The following PLA2G4F variants were observed in gnomAD, a reference collection of about 807,000 sequenced individuals.
PLA2G4F encodes phospholipase A2 group IVF.
PLA2G4F carries 105 observed loss-of-function variants against 103.1 expected under a neutral mutation model. The ratio of observed to expected loss-of-function variants is 1.02; its 90% CI spans 0.87 to 1.20. PLA2G4F has a LOEUF of 1.20. Among genes scored for constraint, PLA2G4F ranks in the 50% most tolerant of loss-of-function variants. PLA2G4F has a pLI of 0.00. For synonymous variants in PLA2G4F, 468 were observed against 441.1 expected, an observed-to-expected ratio of 1.06 and a Z score of -0.76; for missense variants, 1,155 against 1,075.9, an observed-to-expected ratio of 1.07 and a Z score of -1.03.
Position 42,142,425 on chromosome 15 carries a change from A to G in PLA2G4F, c.2329+103T>C, listed in dbSNP as rs1194026773. ...CAGGGGCCAGCTCAGGCCCACCAGG[A>G]GGCGTGCTTAGTGACATTCTCCAGG... On this transcript the variant is annotated intron_variant, in intron 19 of 19. Transcript: ENST00000397272. 4 of 1,374,300 alleles carry G rather than the reference A, an allele frequency of 2.9e-6. No individual in the cohort carries two copies. The Admixed American group carries it at 9.7e-5, about 33-fold the overall frequency. The allele number at this position is 1,374,300 out of a possible 1,614,324, so 85.1% of individuals were successfully genotyped here. A position where few individuals can be genotyped will look rare whatever the true frequency, so the allele number is the denominator to read the frequency against.
chr15:42,142,316 C>T, intron 19 of PLA2G4F, 112 bp from the exon 20 acceptor site: 1 of 1,180,404 alleles, frequency 8.5e-7, no homozygotes, highest in Non-Finnish European at 1.2e-6. Context: ...CCTGCGGGCC[C>T]TGCTTGGGCC....
In PLA2G4F at chr15:42,144,324, G is replaced by A. The variant is rs147099137; in HGVS notation, c.1975+126C>T. 2.8e-4 allele frequency: 397 copies of A among 1,416,376 alleles called. 4 individuals carry two copies. In the South Asian group the frequency reaches 4.1e-3, roughly 15 times the overall value. 87.7% of individuals were successfully genotyped at this position (1,416,376 alleles called of 1,614,324 possible). Reference sequence around the variant, plus strand: ...TTCCAGCAGTATTTAGAGTCGCTCCGCATCAGCCCATAGGCAGCAGGAGAC... The same window carrying A: ...TTCCAGCAGTATTTAGAGTCGCTCCACATCAGCCCATAGGCAGCAGGAGAC... On this transcript the variant is annotated intron_variant, in intron 17 of 19. Transcript: ENST00000397272.
At position 42,140,957 on chromosome 15, in the gene PLA2G4F, T is replaced by G; in HGVS notation, c.*1027A>C. ...CTGAGGGCTGCCCACACTAGAGAGG[T>G]TCTAGGTATTTGGAGAGTCCCTGGC... On this transcript the variant is annotated 3_prime_UTR_variant, in exon 20 of 20. Coordinates refer to ENST00000397272, the MANE Select transcript of PLA2G4F (RefSeq NM_213600.4). The G allele has an allele frequency of 9.6e-6, 3 of 312,002 alleles. No homozygotes were observed. Among genetic ancestry groups the G allele is most frequent in the South Asian group, 2.9e-5 (1 of 35,018 alleles). 19.3% of individuals were successfully genotyped at this position (312,002 alleles called of 1,614,324 possible).
rs2048899732 is a variant in PLA2G4F, at chr15:42,147,224, T to C, written c.1319A>G (p.Gln440Arg). ...KMGALSTERLQYYTQELGVRE... is the reference protein window; with the variant it reads ...KMGALSTERLRYYTQELGVRE... Reference sequence around the variant, plus strand: ...GACCCCCAGTTCCTGAGTGTAGTACTGTAGCCGCTCCGTGGACAAAGCTCC... The same window carrying C: ...GACCCCCAGTTCCTGAGTGTAGTACCGTAGCCGCTCCGTGGACAAAGCTCC... Residue 440 changes from glutamine (Q) to arginine (R), a missense_variant, in exon 13 of 20, where the codon CAG becomes CGG. Transcript: ENST00000397272. 6.2e-7 allele frequency: 1 copy of C among 1,612,814 alleles called. No homozygotes were observed. Among genetic ancestry groups the C allele is most frequent in the Non-Finnish European group, 8.5e-7 (1 of 1,179,990 alleles).
chr15:42,152,802 C>T, intron 6 of PLA2G4F, 48 bp from the exon 7 acceptor site: 1 of 1,528,148 alleles, frequency 6.5e-7, no homozygotes, highest in Non-Finnish European at 8.9e-7. Context: ...ACGGCCCCAG[C>T]CAGGATGGAG....
chr15:42,145,252 G>A (rs368366305), intron 16 of PLA2G4F, among the ~76,000 whole-genome samples: 1 of 152,194 alleles, frequency 6.6e-6, no homozygotes, highest in Non-Finnish European at 1.5e-5. Flanking sequence ...GGAGAAAAGC[G>A]GGAAGGGTGC....
chr15:42,144,675 G>A (rs771553951), intron 16 of PLA2G4F, 31 bp from the exon 17 acceptor site: 33 of 1,530,046 alleles, frequency 2.2e-5, no homozygotes, highest in Non-Finnish European at 2.8e-5. Context: ...GAAATAGAGG[G>A]GAAAGTGGCA....
rs1402371294 is a variant in PLA2G4F, at chr15:42,151,245, T to C, written c.602-468A>G. 6 of 984,660 alleles carry C rather than the reference T, an allele frequency of 6.1e-6. No homozygotes were observed. In the African/African-American group the frequency reaches 7.0e-5, roughly 12 times the overall value. 61.0% of individuals were successfully genotyped at this position (984,660 alleles called of 1,614,324 possible). On this transcript the variant is annotated intron_variant, in intron 7 of 19. Transcript: ENST00000397272. ...GGCCTTTGTTTCCAAGTGTAGAACGTTGGGAGAGGAAGGTTTGTAGAGGCG... is the reference window on the plus strand; with the variant it reads ...GGCCTTTGTTTCCAAGTGTAGAACGCTGGGAGAGGAAGGTTTGTAGAGGCG...
At chr15:42,146,407 G>A (rs975164543) in intron 13 of PLA2G4F, among the ~76,000 whole-genome samples, 166 bp from the exon 14 acceptor site, 8 of 152,172 alleles carry the variant, frequency 5.3e-5, no homozygotes, top group East Asian at 1.9e-4. Flanking sequence ...GCTTCAGGCC[G>A]CAGCCAAGGG....
rs2048856306 is a variant in PLA2G4F, at chr15:42,144,258, A to T, written c.1976-114T>A. Reference sequence around the variant, plus strand: ...CTCTGTAGAGTTCTCTCTGACAGCCATGGAGACTCCTGCCCCAAGCCCTTG... The same window carrying T: ...CTCTGTAGAGTTCTCTCTGACAGCCTTGGAGACTCCTGCCCCAAGCCCTTG... On this transcript the variant is annotated intron_variant, in intron 17 of 19. Transcript: ENST00000397272. 4 of 1,421,106 alleles carry T rather than the reference A, an allele frequency of 2.8e-6. No individual in the cohort carries two copies. In the East Asian group the frequency reaches 9.3e-5, roughly 33 times the overall value. The allele number at this position is 1,421,106 out of a possible 1,614,324, so 88.0% of individuals were successfully genotyped here.
At position 42,139,072 on chromosome 15, in the gene PLA2G4F, T is replaced by C. The variant is rs2048808546; in HGVS notation, c.*2912A>G. 6.6e-6 allele frequency: 1 copy of C among 152,252 alleles called. No homozygotes were observed. The highest frequency in any genetic ancestry group is 1.5e-5 in the Non-Finnish European group (1 of 68,058). The allele number at this position is 152,252 out of a possible 1,614,324, so 9.4% of individuals were successfully genotyped here. On this transcript the variant is annotated 3_prime_UTR_variant, in exon 20 of 20. Coordinates refer to ENST00000397272, the MANE Select transcript of PLA2G4F (RefSeq NM_213600.4). ...CAGCTAGGGGACTGCCCAGCTCAAG[T>C]GGCCAAAGTGCAGCCCTGAGAAGCT...
At chr15:42,142,975 T>C (rs2048840772) in intron 18 of PLA2G4F, among the ~76,000 whole-genome samples, 1 of 151,904 alleles carries the variant, frequency 6.6e-6, no homozygotes, top group Non-Finnish European at 1.5e-5. Context: ...GGTCAAGAGA[T>C]CAAGACCACC....
chr15:42,150,858 C>A, intron 7 of PLA2G4F, 81 bp from the exon 8 acceptor site: 1 of 1,527,114 alleles, frequency 6.5e-7, no homozygotes. Context: ...AGCGCCCCAG[C>A]AGCAACCCCT....
At chr15:42,153,722 C>A in intron 4 of PLA2G4F, 62 bp from the exon 5 acceptor site, 1 of 1,584,748 alleles carries the variant, frequency 6.3e-7, no homozygotes, top group South Asian at 1.1e-5. Flanking sequence ...AGAGCTGTTC[C>A]TGCCTGCCAG....
intron 12 of PLA2G4F, 107 bp from the exon 13 acceptor site, chr15:42,147,453 C>G (rs1304474030): frequency 1.4e-6 from 2 of 1,383,184 alleles, no homozygotes; most frequent in Non-Finnish European, 2.0e-6. Flanking sequence ...TGCACTGCTG[C>G]CCTGCAAACA....
At position 42,149,576 on chromosome 15, in the gene PLA2G4F, C is replaced by CA. The variant is rs1231963659; in HGVS notation, c.1059+136_1059+137insT. 92 of 1,452,050 alleles carry CA rather than the reference C, an allele frequency of 6.3e-5. No homozygotes were observed. In the Admixed American group the frequency reaches 2.3e-3, roughly 37 times the overall value. The allele number at this position is 1,452,050 out of a possible 1,614,324, so 89.9% of individuals were successfully genotyped here. The stretch of plus-strand genomic sequence containing the variant: ...GCCCTGGTCCCATATGGGGTCCTAG[C>CA]TCTGCCGATGGTGCCCACAGCTCAG... On this transcript the variant is annotated intron_variant, in intron 11 of 19. Coordinates refer to ENST00000397272, the MANE Select transcript of PLA2G4F (RefSeq NM_213600.4).
At chr15:42,149,552 C>A in intron 11 of PLA2G4F, 161 bp downstream of exon 11, 1 of 985,402 alleles carries the variant, frequency 1.0e-6, no homozygotes, top group Non-Finnish European at 1.2e-6. Context: ...GGCCGTTTGG[C>A]CCTGGTCCCA....
rs777132470 is a variant in PLA2G4F, at chr15:42,147,288, T to A, written c.1255A>T (p.Ile419Phe). Reference sequence around the variant, plus strand: ...CAGACGTGAACCTGGGCACGCTCAATGGGGCCCTGCAAGGCCACCTGGGAC... The same window carrying A: ...CAGACGTGAACCTGGGCACGCTCAAAGGGGCCCTGCAAGGCCACCTGGGAC... ...AWSQVALQGP[I>F]ERAQVHVCSS... Residue 419 changes from isoleucine (I) to phenylalanine (F), a missense_variant, in exon 13 of 20, where the codon ATT becomes TTT. Transcript: ENST00000397272. 4 of 1,610,872 alleles carry A rather than the reference T, an allele frequency of 2.5e-6. No homozygotes were observed. Among genetic ancestry groups the A allele is most frequent in the African/African-American group, 1.3e-5 (1 of 74,824 alleles).
In PLA2G4F at chr15:42,147,178, G is replaced by A. The variant is rs4923929; in HGVS notation, c.1365C>T (p.Ser455=). Residue 455 remains serine (S), a synonymous_variant, in exon 13 of 20, where the codon AGC becomes AGT. Coordinates refer to ENST00000397272, the MANE Select transcript of PLA2G4F (RefSeq NM_213600.4). ...ELGVRERSGH[S]VSLIDLWGLL... ...GGCCCCAGAGGTCGATGAGGGACACGCTGTGGCCACTGCGCTCCCGGACCC... is the reference window on the plus strand; with the variant it reads ...GGCCCCAGAGGTCGATGAGGGACACACTGTGGCCACTGCGCTCCCGGACCC... 0.46 allele frequency: 737,529 copies of A among 1,612,224 alleles called. 171,686 individuals are homozygous for A. Among genetic ancestry groups the A allele is most frequent in the African/African-American group, 0.52 (38,806 of 74,866 alleles).
Sources: allele counts gnomAD v4.1 joint callset (sites outside exome capture counted in the v4.1 genomes callset), GRCh38; gene constraint gnomAD v4.1.1; transcripts MANE v1.5; gene names NCBI Gene and HGNC (gene_info 2026-07-23, HGNC 2026-07-21).